OR5B2: variants seen among roughly 807,000 people sequenced by gnomAD.
OR5B2 encodes olfactory receptor 5B2.
For synonymous variants in OR5B2, 163 were observed against 140.8 expected, an observed-to-expected ratio of 1.16 and a Z score of -1.11; for missense variants, 411 against 367.0, an observed-to-expected ratio of 1.12 and a Z score of -0.98.
At position 58,422,443 on chromosome 11, in the gene OR5B2, A is replaced by G. The variant is rs2119932792; in HGVS notation, c.819T>C (p.Ser273=). The G allele has an allele frequency of 6.2e-7, 1 of 1,613,720 alleles. No individual in the cohort carries two copies. Among genetic ancestry groups the G allele is most frequent in the Non-Finnish European group, 8.5e-7 (1 of 1,179,796 alleles). ...TGGGGATGATCATAGCATAGAACAC[A>G]GATGCCATTTTGTCTGTGTCCATGG... ...SHSMDTDKMA[S]VFYAMIIPML... The change falls in exon 3 of 3, where the codon TCT becomes TCC. Residue 273 remains serine, a synonymous_variant. Coordinates refer to ENST00000641342, the MANE Select transcript of OR5B2 (RefSeq NM_001005566.3).
Position 58,422,762 on chromosome 11 carries a change from CAGAA to C in OR5B2, c.496_499del (p.Phe166ValfsTer29), listed in dbSNP as rs1278525828. 1 of 1,613,772 alleles carries C rather than the reference CAGAA, an allele frequency of 6.2e-7. No homozygotes were observed. The highest frequency in any genetic ancestry group is 2.2e-5 in the East Asian group (1 of 44,858). The stretch of plus-strand genomic sequence containing the variant: ...AAAGTGATGTACCAGATTGGATTTA[CAGAA>C]AGAGAGACTGAATATGCCCCCAATG... On this transcript the variant is annotated frameshift_variant, in exon 3 of 3. Transcript: ENST00000641342. LOFTEE classifies it low-confidence loss of function (END_TRUNC).
chr11:58,424,199 C>T (rs1053828118), intron 2 of OR5B2, among the ~76,000 whole-genome samples: 2 of 152,078 alleles, frequency 1.3e-5, no homozygotes, highest in African/African-American at 4.8e-5. Flanking sequence ...CAACAATAAA[C>T]AAAATGTTAA....
chr11:58,426,503 A>G (rs537489976), intron 2 of OR5B2, 119 bp downstream of exon 2: 83 of 152,268 alleles, frequency 5.5e-4, no homozygotes, highest in African/African-American at 2.0e-3. Context: ...GAAAATATTA[A>G]AAGCTGGGAA....
At chr11:58,427,100 T>A (rs1171682681) in intron 1 of OR5B2, among the ~76,000 whole-genome samples, 1 of 152,174 alleles carries the variant, frequency 6.6e-6, no homozygotes, top group Non-Finnish European at 1.5e-5. Flanking sequence ...CATGTTGGGA[T>A]GTTAGAGACC....
In OR5B2 at chr11:58,421,717, T is replaced by C. The variant is rs892147890; in HGVS notation, c.*615A>G. On this transcript the variant is annotated 3_prime_UTR_variant, in exon 3 of 3. Coordinates refer to ENST00000641342, the MANE Select transcript of OR5B2 (RefSeq NM_001005566.3). Reference sequence around the variant, plus strand: ...TGATGTGTCAATGTAGGTTCATCAATTGTAAAAAATGTAGCACTCTGTTGG... The same window carrying C: ...TGATGTGTCAATGTAGGTTCATCAACTGTAAAAAATGTAGCACTCTGTTGG... 2.0e-5 allele frequency: 3 copies of C among 152,080 alleles called. No individual in the cohort carries two copies. Among genetic ancestry groups the C allele is most frequent in the African/African-American group, 4.8e-5 (2 of 41,422 alleles). 9.4% of individuals were successfully genotyped at this position (152,080 alleles called of 1,614,324 possible).
At chr11:58,426,300 AT>A (rs1201843277) in intron 2 of OR5B2, among the ~76,000 whole-genome samples, 1 of 151,436 alleles carries the variant, frequency 6.6e-6, no homozygotes, top group African/African-American at 2.4e-5. Flanking sequence ...CCCATTAGTT[AT>A]TTTTTTTCTG....
chr11:58,425,886 G>A (rs939126518), intron 2 of OR5B2, among the ~76,000 whole-genome samples: 2 of 152,036 alleles, frequency 1.3e-5, no homozygotes, highest in African/African-American at 4.8e-5. Context: ...CATACATTAT[G>A]GGTCACAATG....
chr11:58,422,239 T>C lies in OR5B2; in HGVS notation c.*93A>G, dbSNP rs560110833. The C allele has an allele frequency of 1.6e-5, 11 of 706,588 alleles. No individual in the cohort carries two copies. In the East Asian group the frequency reaches 2.3e-4, roughly 15 times the overall value. 43.8% of individuals were successfully genotyped at this position (706,588 alleles called of 1,614,324 possible). Reference sequence around the variant, plus strand: ...ATATCACCTCATGAACTTAAATGTATTGTGGGGTTTCAAATGTAACTCATT... The same window carrying C: ...ATATCACCTCATGAACTTAAATGTACTGTGGGGTTTCAAATGTAACTCATT... On this transcript the variant is annotated 3_prime_UTR_variant, in exon 3 of 3. Coordinates refer to ENST00000641342, the MANE Select transcript of OR5B2 (RefSeq NM_001005566.3).
chr11:58,423,820 A>G (rs1189223189), intron 2 of OR5B2, among the ~76,000 whole-genome samples: 2 of 152,192 alleles, frequency 1.3e-5, no homozygotes, highest in East Asian at 3.9e-4. Context: ...CTCAAGCTCA[A>G]TGGTCTAAAT....
intron 2 of OR5B2, among the ~76,000 whole-genome samples, chr11:58,424,078 T>A (rs536209755): frequency 6.6e-6 from 1 of 152,184 alleles, no homozygotes; most frequent in African/African-American, 2.4e-5. Flanking sequence ...CTAGGCAGCA[T>A]TGGTCCCACA....
intron 2 of OR5B2, among the ~76,000 whole-genome samples, chr11:58,424,847 TAAG>T (rs987020616): frequency 3.3e-5 from 5 of 152,134 alleles, no homozygotes; most frequent in African/African-American, 9.6e-5. Flanking sequence ...CAACAGATGT[TAAG>T]AACTTTTTAT....
Position 58,427,846 on chromosome 11 carries a change from T to G in OR5B2, c.-84+173A>C, listed in dbSNP as rs79792049. ...CAGACTTGGGGAACAGTCAAGGGAC[T>G]GTGAGAAGGAAGAGCACTGGGAAGT... On this transcript the variant is annotated intron_variant, in intron 1 of 2. Transcript: ENST00000641342. Among the ~76,000 whole-genome samples the G allele has an allele frequency of 5.8e-3, 879 of 152,220 alleles. 8 individuals are homozygous for G. Among genetic ancestry groups the G allele is most frequent in the African/African-American group, 0.02 (833 of 41,550 alleles).
chr11:58,425,569 C>T (rs1405850027), intron 2 of OR5B2, among the ~76,000 whole-genome samples: 3 of 151,642 alleles, frequency 2.0e-5, no homozygotes, highest in Non-Finnish European at 4.4e-5. Flanking sequence ...GCATAAATAA[C>T]ATTAGAAAAA....
rs2119935467 is a variant in OR5B2, at chr11:58,422,821, A to G, written c.441T>C (p.Tyr147=). The G allele has an allele frequency of 1.2e-6, 2 of 1,613,798 alleles. No homozygotes were observed. Among genetic ancestry groups the G allele is most frequent in the East Asian group, 2.2e-5 (1 of 44,854 alleles). ...ATGAGGCATTTAGGAAGCCACAGACATATGAGCCTAGGGCCAGACAGGCAC... is the reference window on the plus strand; with the variant it reads ...ATGAGGCATTTAGGAAGCCACAGACGTATGAGCCTAGGGCCAGACAGGCAC... The part of the protein sequence containing the change: ...SVGACLALGS[Y]VCGFLNASFH... Residue 147 remains tyrosine (Y), a synonymous_variant, in exon 3 of 3, where the codon TAT becomes TAC. Coordinates refer to ENST00000641342, the MANE Select transcript of OR5B2 (RefSeq NM_001005566.3).
At position 58,421,640 on chromosome 11, in the gene OR5B2, G is replaced by A. The variant is rs978761299; in HGVS notation, c.*692C>T. On this transcript the variant is annotated 3_prime_UTR_variant, in exon 3 of 3. Coordinates refer to ENST00000641342, the MANE Select transcript of OR5B2 (RefSeq NM_001005566.3). Reference sequence around the variant, plus strand: ...TATACATTTATTCAAATCCATAGAAGGGACAACAGCAAGAGTGAATCCTAA... The same window carrying A: ...TATACATTTATTCAAATCCATAGAAAGGACAACAGCAAGAGTGAATCCTAA... 6.6e-6 allele frequency: 1 copy of A among 152,046 alleles called. No homozygotes were observed. The highest frequency in any genetic ancestry group is 1.5e-5 in the Non-Finnish European group (1 of 67,974). The allele number at this position is 152,046 out of a possible 1,614,324, so 9.4% of individuals were successfully genotyped here. A position where few individuals can be genotyped will look rare whatever the true frequency, so the allele number is the denominator to read the frequency against.
intron 2 of OR5B2, among the ~76,000 whole-genome samples, chr11:58,424,287 G>A (rs763773140): frequency 1.3e-5 from 2 of 152,126 alleles, no homozygotes; most frequent in Non-Finnish European, 2.9e-5. Context: ...TTTCATAAAG[G>A]AGGATGGCAG....
In OR5B2 at chr11:58,422,530, A is replaced by G. The variant is rs376113896; in HGVS notation, c.732T>C (p.Thr244=). 7.4e-6 allele frequency: 12 copies of G among 1,613,734 alleles called. No homozygotes were observed. The African/African-American group carries it at 1.5e-4, about 20-fold the overall frequency. Residue 244 remains threonine, a synonymous_variant, in exon 3 of 3, where the codon ACT becomes ACC. Coordinates refer to ENST00000641342, the MANE Select transcript of OR5B2 (RefSeq NM_001005566.3). The part of the protein sequence containing the change: ...KALSTCASHF[T]AVSVFYGTVI... The stretch of plus-strand genomic sequence containing the variant: ...CTGTCCCATAGAAGACGGAGACTGC[A>G]GTGAAGTGAGAGGCACAGGTGGACA...
intron 1 of OR5B2, among the ~76,000 whole-genome samples, chr11:58,427,073 A>G (rs186517328): frequency 3.5e-4 from 53 of 152,290 alleles, no homozygotes; most frequent in Admixed American, 3.3e-3. Flanking sequence ...AACCTCTAAC[A>G]TGATGTTAAA....
At chr11:58,427,089 T>A (rs1373696314) in intron 1 of OR5B2, among the ~76,000 whole-genome samples, 1 of 151,928 alleles carries the variant, frequency 6.6e-6, no homozygotes, top group Non-Finnish European at 1.5e-5. Flanking sequence ...TTAAATAGAG[T>A]CATGTTGGGA....
Sources: gnomAD v4.1 joint callset for allele counts (sites outside exome capture counted in the v4.1 genomes callset) on GRCh38, gnomAD v4.1.1 for gene constraint, MANE v1.5 for transcripts, NCBI Gene and HGNC (gene_info 2026-07-23, HGNC 2026-07-21) for gene names.